DOCK3: variants seen among roughly 807,000 people sequenced by gnomAD.
DOCK3 encodes dedicator of cytokinesis 3, also known as dedicator of cytokinesis protein 3.
DOCK3 carries 60 observed loss-of-function variants against 265.6 expected under a neutral mutation model. That is an observed-to-expected ratio of 0.23 (90% confidence interval 0.18 to 0.28). The LOEUF (loss-of-function observed/expected upper bound fraction) is 0.28, where lower values mean the gene tolerates loss of function less well. Ranked by LOEUF, DOCK3 falls within the 10% of genes least tolerant of loss-of-function variation. The pLI, the probability that DOCK3 is intolerant of heterozygous loss-of-function variation, is 1.00. For synonymous variants in DOCK3, 881 were observed against 938.0 expected (o/e 0.94, Z 1.11); for missense variants, 1,981 against 2,594.3 (o/e 0.76, Z 5.14).
intron 40 of DOCK3, among the ~76,000 whole-genome samples, chr3:51,354,278 T>C (rs760594101): frequency 2.7e-5 from 4 of 146,774 alleles, no homozygotes; most frequent in Non-Finnish European, 4.5e-5. Flanking sequence ...CTTGGTAACA[T>C]TGGAGTCAGG....
chr3:50,942,612 C>G (rs1375482341), intron 5 of DOCK3, among the ~76,000 whole-genome samples: 3 of 151,940 alleles, frequency 2.0e-5, no homozygotes, highest in Admixed American at 6.6e-5. Flanking sequence ...ATTTACTTAA[C>G]TTGGCTGTAG....
intron 5 of DOCK3, among the ~76,000 whole-genome samples, chr3:50,993,153 T>C (rs2078169814): frequency 1.3e-5 from 2 of 152,162 alleles, no homozygotes; most frequent in Non-Finnish European, 2.9e-5. Context: ...AGGCCCTAAG[T>C]TGAATATGAT....
chr3:50,989,327 C>G (rs976059111), intron 5 of DOCK3, among the ~76,000 whole-genome samples: 1 of 152,148 alleles, frequency 6.6e-6, no homozygotes, highest in Non-Finnish European at 1.5e-5. Context: ...CTGAGATTGC[C>G]CCAGAGCTAC....
intron 27 of DOCK3, among the ~76,000 whole-genome samples, chr3:51,286,171 A>G (rs369675093): frequency 6.6e-6 from 1 of 152,366 alleles, no homozygotes; most frequent in East Asian, 1.9e-4. Context: ...TTATACACCA[A>G]CAACATTCAA....
At chr3:50,785,576 A>AT (rs1576428234) in intron 2 of DOCK3, among the ~76,000 whole-genome samples, 1 of 152,080 alleles carries the variant, frequency 6.6e-6, no homozygotes, top group South Asian at 2.1e-4. Context: ...TGATCATGTG[A>AT]TTTTTGTTTT....
chr3:51,213,756 T>A (rs949465829), intron 13 of DOCK3, among the ~76,000 whole-genome samples: 15 of 152,178 alleles, frequency 9.9e-5, no homozygotes, highest in Non-Finnish European at 8.8e-5. Context: ...TTGTTTCTAG[T>A]CTTTAGATTT....
At chr3:50,732,640 G>A (rs1185845442) in intron 1 of DOCK3, among the ~76,000 whole-genome samples, 1 of 152,052 alleles carries the variant, frequency 6.6e-6, no homozygotes, top group Non-Finnish European at 1.5e-5. Flanking sequence ...TAAACCCTTG[G>A]CCTCAAGCCA....
chr3:51,348,961 C>T, intron 39 of DOCK3, 23 bp downstream of exon 39: 1 of 1,146,828 alleles, frequency 8.7e-7, no homozygotes, highest in Non-Finnish European at 1.2e-6. Flanking sequence ...CCTCCCCCCA[C>T]CCCAGCCCTG....
chr3:50,877,407 T>A, intron 3 of DOCK3: 1 of 519,758 alleles, frequency 1.9e-6, no homozygotes, highest in Non-Finnish European at 3.9e-6. Context: ...TATAGCTGCT[T>A]CTTTCCAATG....
intron 5 of DOCK3, among the ~76,000 whole-genome samples, chr3:50,988,481 C>G (rs1019520975): frequency 1.3e-5 from 2 of 152,064 alleles, no homozygotes; most frequent in Non-Finnish European, 2.9e-5. Context: ...TCAGAGTGTC[C>G]GAAGCGACGG....
intron 14 of DOCK3, 82 bp downstream of exon 14, chr3:51,214,329 G>A: frequency 6.5e-7 from 1 of 1,540,766 alleles, no homozygotes; most frequent in Non-Finnish European, 8.8e-7. Context: ...GTGGTGAACT[G>A]TGCTATGGAG....
intron 3 of DOCK3, among the ~76,000 whole-genome samples, chr3:50,885,882 G>A (rs1010238876): frequency 2.6e-5 from 4 of 152,008 alleles, no homozygotes; most frequent in Non-Finnish European, 4.4e-5. Context: ...CAGTTTTTTG[G>A]TGTGGGGGGC....
At chr3:51,087,320 C>T (rs979877683) in intron 7 of DOCK3, among the ~76,000 whole-genome samples, 5 of 152,102 alleles carry the variant, frequency 3.3e-5, no homozygotes, top group South Asian at 2.1e-4. Context: ...GTGATGCAAG[C>T]GTGGTTCAAC....
chr3:51,149,171 A>AT (rs1248448145), intron 10 of DOCK3, among the ~76,000 whole-genome samples: 1 of 152,120 alleles, frequency 6.6e-6, no homozygotes, highest in Non-Finnish European at 1.5e-5. Context: ...AATGCTTGTG[A>AT]TTTTTGCACA....
chr3:50,699,077 G>A (rs573706921), intron 1 of DOCK3, among the ~76,000 whole-genome samples: 2 of 152,258 alleles, frequency 1.3e-5, no homozygotes, highest in East Asian at 1.9e-4. Flanking sequence ...TATCCATTTC[G>A]AGTTAATTTT....
intron 39 of DOCK3, 56 bp from the exon 40 acceptor site, chr3:51,350,232 C>T (rs2085884518): frequency 7.9e-6 from 12 of 1,518,042 alleles, no homozygotes; most frequent in Non-Finnish European, 1.1e-5. Context: ...CCTGGGAGAA[C>T]TTCCTTTGGA....
chr3:51,088,534 A>C (rs576171273), intron 7 of DOCK3, among the ~76,000 whole-genome samples: 109 of 152,380 alleles, frequency 7.2e-4, no homozygotes, highest in South Asian at 1.4e-3. Flanking sequence ...CTTCATAAAT[A>C]TTTTAAAATA....
At chr3:50,957,156 ATTATAT>A (rs1176701951) in intron 5 of DOCK3, among the ~76,000 whole-genome samples, 2 of 152,174 alleles carry the variant, frequency 1.3e-5, no homozygotes, top group Admixed American at 6.5e-5. Flanking sequence ...GCCCTTTCCT[ATTATAT>A]TTGTATATTT....
At chr3:51,046,085 C>T (rs2080766639) in intron 5 of DOCK3, among the ~76,000 whole-genome samples, 1 of 151,668 alleles carries the variant, frequency 6.6e-6, no homozygotes, top group Non-Finnish European at 1.5e-5. Context: ...AAGAAAAAAA[C>T]CTGTCATAGA....
Sources: gnomAD v4.1 joint callset for allele counts (sites outside exome capture counted in the v4.1 genomes callset) on GRCh38, gnomAD v4.1.1 for gene constraint, MANE v1.5 for transcripts, NCBI Gene and HGNC (gene_info 2026-07-23, HGNC 2026-07-21) for gene names.